Variants in ATG10 observed in about 807,000 individuals in gnomAD.
ATG10 encodes the protein ubiquitin-like-conjugating enzyme ATG10.
In ATG10, 30 loss-of-function variants were observed where a neutral mutation model predicts 32.1. The ratio of observed to expected loss-of-function variants is 0.94; its 90% confidence interval spans 0.70 to 1.27. ATG10 has a LOEUF of 1.27. Among genes scored for constraint, ATG10 ranks in the 50% most tolerant of loss-of-function variants. ATG10 has a pLI of 0.00. For synonymous variants in ATG10, 87 were observed against 91.5 expected, an observed-to-expected ratio of 0.95 and a Z score of 0.28; for missense variants, 233 against 262.3, an observed-to-expected ratio of 0.89 and a Z score of 0.77.
At chr5:81,979,467 G>T (rs1043736527) in intron 1 of ATG10, among the ~76,000 whole-genome samples, 1 of 152,132 alleles carries the variant, frequency 6.6e-6, no homozygotes, top group African/African-American at 2.4e-5. Flanking sequence ...GGCGGAGCTT[G>T]CAGTGAGCCG....
At chr5:82,055,520 T>C (rs1479850264) in intron 2 of ATG10, among the ~76,000 whole-genome samples, 1 of 152,190 alleles carries the variant, frequency 6.6e-6, no homozygotes, top group Non-Finnish European at 1.5e-5. Flanking sequence ...TACTAAATTT[T>C]ATGTTCCCTT....
At chr5:82,220,269 C>CT (rs1245953782) in intron 5 of ATG10, among the ~76,000 whole-genome samples, 171 of 144,676 alleles carry the variant, frequency 1.2e-3, no homozygotes, top group African/African-American at 3.6e-3. Flanking sequence ...CAGTGGAAGG[C>CT]TTTTTTTTTT....
rs1372021852 is a variant in ATG10 at position 81,976,125 on chromosome 5, C to CG, written c.-13+3820dup. The CG allele has an allele frequency of 5.9e-5, 9 of 151,346 alleles. No individual in the cohort carries two copies. The East Asian group carries it at 1.5e-3, about 26-fold the overall frequency. The allele number at this position is 151,346 out of a possible 1,614,324, so 9.4% of individuals were successfully genotyped here. ...ACGCCATTCTCCTGCCTCAGCCTCC[C>CG]GAGTAGCTGGGAGTACAGGCGCCCG... On this transcript the variant is annotated intron_variant, in intron 1 of 7. Coordinates refer to ENST00000282185, the MANE Select transcript of ATG10 (RefSeq NM_031482.5).
intron 5 of ATG10, among the ~76,000 whole-genome samples, chr5:82,202,722 G>A (rs1255333341): frequency 6.6e-6 from 1 of 151,694 alleles, no homozygotes; most frequent in African/African-American, 2.4e-5. Context: ...TACTACTCTT[G>A]AGCAAAACAG....
At chr5:82,110,595 C>G (rs1205940598) in intron 3 of ATG10, among the ~76,000 whole-genome samples, 2 of 152,134 alleles carry the variant, frequency 1.3e-5, no homozygotes, top group Non-Finnish European at 2.9e-5. Context: ...GCATAAATGT[C>G]TTCTTTTGAG....
At chr5:82,216,075 A>G (rs1745668418) in intron 5 of ATG10, among the ~76,000 whole-genome samples, 1 of 152,218 alleles carries the variant, frequency 6.6e-6, no homozygotes, top group South Asian at 2.1e-4. Flanking sequence ...CGAAGAGCCA[A>G]GGATAGAAAT....
chr5:82,072,416 T>C lies in ATG10; in HGVS notation c.216+13814T>C, dbSNP rs549686129. Among the ~76,000 whole-genome samples, 44 of 152,280 alleles carry C rather than the reference T, an allele frequency of 2.9e-4. 1 individual carries two copies. Among genetic ancestry groups the C allele is most frequent in the East Asian group, 1.9e-4 (1 of 5,174 alleles). ...TAGGGTTATATCTCTCCTAATCAGC[T>C]GCTCGTTCCTTCAGTGTAAGATCCA... On this transcript the variant is annotated intron_variant, in intron 3 of 7. Transcript: ENST00000282185.
At chr5:82,210,729 G>T (rs1010680538) in intron 5 of ATG10, among the ~76,000 whole-genome samples, 1 of 152,102 alleles carries the variant, frequency 6.6e-6, no homozygotes, top group African/African-American at 2.4e-5. Context: ...GGGAACTTTG[G>T]AGTCTGCAGT....
At chr5:82,170,733 G>A (rs1361936371) in intron 4 of ATG10, among the ~76,000 whole-genome samples, 1 of 151,962 alleles carries the variant, frequency 6.6e-6, no homozygotes, top group East Asian at 1.9e-4. Context: ...ATCACCTGAG[G>A]TCAAGAGTTC....
intron 2 of ATG10, among the ~76,000 whole-genome samples, chr5:82,005,198 T>C (rs1293371081): frequency 1.3e-5 from 2 of 152,196 alleles, no homozygotes; most frequent in Non-Finnish European, 2.9e-5. Flanking sequence ...TTTGGTACTA[T>C]TCTCTTTACT....
rs1484582831 is a variant in ATG10, at chr5:82,254,561, G to GAAAAAAAAAAAAAAAA, written c.*498_*499insAAAAAAAAAAAAAAAA. On this transcript the variant is annotated 3_prime_UTR_variant, in exon 8 of 8. Coordinates refer to ENST00000282185, the MANE Select transcript of ATG10 (RefSeq NM_031482.5). Reference sequence around the variant, plus strand: ...GTGACAGAGCCAGACACTGTCTCGGGGAAAAAAAAAAAAAAAAAAAGACAC... The same window carrying GAAAAAAAAAAAAAAAA: ...GTGACAGAGCCAGACACTGTCTCGGGAAAAAAAAAAAAAAAAGAAAAAAAAAAAAAAAAAAAGACAC... 1.7e-5 allele frequency: 2 copies of GAAAAAAAAAAAAAAAA among 120,782 alleles called. 1 individual carries two copies. Among genetic ancestry groups the GAAAAAAAAAAAAAAAA allele is most frequent in the Non-Finnish European group, 3.4e-5 (2 of 59,336 alleles). The allele number at this position is 120,782 out of a possible 1,614,324, so 7.5% of individuals were successfully genotyped here.
At chr5:82,014,914 T>A (rs1456395955) in intron 2 of ATG10, among the ~76,000 whole-genome samples, 2 of 152,224 alleles carry the variant, frequency 1.3e-5, no homozygotes, top group Non-Finnish European at 2.9e-5. Flanking sequence ...TGCAGTTTCT[T>A]CCTAGCCTTG....
chr5:82,114,513 T>C (rs1159100995), intron 3 of ATG10, among the ~76,000 whole-genome samples: 1 of 152,096 alleles, frequency 6.6e-6, no homozygotes, highest in African/African-American at 2.4e-5. Context: ...AAATTACAGC[T>C]ATATTTTGAG....
In ATG10 at chr5:82,005,333, C is replaced by T. The variant is rs561858369; in HGVS notation, c.108+17655C>T. 9.2e-5 allele frequency among the ~76,000 whole-genome samples: 14 copies of T among 152,210 alleles called. No homozygotes were observed. The South Asian group carries it at 1.2e-3, about 14-fold the overall frequency. The stretch of plus-strand genomic sequence containing the variant: ...TTTTTGAGATAGAGTCTCACTCTTT[C>T]GCCGAGGCTGGAGTGCAGTGGCACT... On this transcript the variant is annotated intron_variant, in intron 2 of 7. Transcript: ENST00000282185.
intron 3 of ATG10, among the ~76,000 whole-genome samples, chr5:82,091,418 A>G (rs560047251): frequency 7.9e-5 from 12 of 152,126 alleles, no homozygotes; most frequent in African/African-American, 2.9e-4. Flanking sequence ...CAGTGGCTTC[A>G]TGATACTCAT....
intron 3 of ATG10, among the ~76,000 whole-genome samples, chr5:82,162,025 A>G (rs1184295887): frequency 6.6e-6 from 1 of 152,190 alleles, no homozygotes; most frequent in Non-Finnish European, 1.5e-5. Flanking sequence ...TTGTGATAAA[A>G]AAGTACAACA....
intron 3 of ATG10, among the ~76,000 whole-genome samples, chr5:82,139,909 C>A (rs1766999449): frequency 7.1e-6 from 1 of 140,466 alleles, no homozygotes. Flanking sequence ...AGCCCCCCGC[C>A]TGGCCAGCCG....
intron 3 of ATG10, among the ~76,000 whole-genome samples, chr5:82,084,636 G>A (rs781540821): frequency 1.6e-4 from 24 of 152,234 alleles, no homozygotes; most frequent in Middle Eastern, 3.4e-3. Flanking sequence ...CGGATCTCTC[G>A]GCAGAAACTC....
At chr5:82,154,017 G>A (rs961407312) in intron 3 of ATG10, among the ~76,000 whole-genome samples, 3 of 151,102 alleles carry the variant, frequency 2.0e-5, no homozygotes, top group Non-Finnish European at 4.4e-5. Context: ...TCCTGCCTCA[G>A]CCTCCCAAAG....
Sources: gnomAD v4.1 joint callset for allele counts (sites outside exome capture counted in the v4.1 genomes callset) on GRCh38, gnomAD v4.1.1 for gene constraint, MANE v1.5 for transcripts, NCBI Gene and HGNC (gene_info 2026-07-23, HGNC 2026-07-21) for gene names.